Variants in ROBO2 observed in about 807,000 individuals in gnomAD.
ROBO2 encodes the protein roundabout homolog 2.
A neutral mutation model predicts 160.8 loss-of-function variants in ROBO2; 53 were observed. The ratio of observed to expected loss-of-function variants is 0.33; its 90% CI spans 0.26 to 0.41. ROBO2 has a LOEUF of 0.41. Among genes scored for constraint, ROBO2 ranks in the 10% least tolerant of loss-of-function variants. The pLI is 1.00. For synonymous variants in ROBO2, 664 were observed against 611.7 expected (o/e 1.09, Z -1.26); for missense variants, 1,577 against 1,722.4 (o/e 0.92, Z 1.49).
At chr3:76,407,022 T>C (rs1187335285) in intron 2 of ROBO2, among the ~76,000 whole-genome samples, 1 of 151,542 alleles carries the variant, frequency 6.6e-6, no homozygotes, top group Non-Finnish European at 1.5e-5. Flanking sequence ...TTCATTTATT[T>C]TGAACTACTT....
At chr3:76,144,098 T>A (rs192131838) in intron 2 of ROBO2, among the ~76,000 whole-genome samples, 2 of 152,102 alleles carry the variant, frequency 1.3e-5, no homozygotes, top group Non-Finnish European at 2.9e-5. Flanking sequence ...GAATGATGTT[T>A]AACCAAATAT....
chr3:77,120,669 T>A (rs1280032047), intron 2 of ROBO2, among the ~76,000 whole-genome samples: 1 of 152,178 alleles, frequency 6.6e-6, no homozygotes, highest in Non-Finnish European at 1.5e-5. Context: ...AAAATCAACT[T>A]TGCCACCTAT....
chr3:77,608,022 C>A, intron 21 of ROBO2, 68 bp downstream of exon 22: 1 of 1,524,330 alleles, frequency 6.6e-7, no homozygotes, highest in Non-Finnish European at 9.1e-7. Context: ...TCATTTTTGC[C>A]ATCATCTTAT....
At chr3:77,258,981 G>T (rs2058605964) in intron 2 of ROBO2, among the ~76,000 whole-genome samples, 1 of 152,190 alleles carries the variant, frequency 6.6e-6, no homozygotes, top group African/African-American at 2.4e-5. Context: ...CTGCTGAACA[G>T]TTGACTGATC....
chr3:76,525,810 G>A (rs538779965), intron 2 of ROBO2, among the ~76,000 whole-genome samples: 64 of 151,936 alleles, frequency 4.2e-4, no homozygotes, highest in African/African-American at 1.4e-3. Flanking sequence ...TGCCATAATG[G>A]TCACAGCTAA....
chr3:77,511,264 C>T (rs139181004), intron 5 of ROBO2, among the ~76,000 whole-genome samples: 27 of 152,044 alleles, frequency 1.8e-4, no homozygotes, highest in African/African-American at 6.3e-4. Context: ...GAGACGGGCA[C>T]TCAGAAGACA....
intron 2 of ROBO2, among the ~76,000 whole-genome samples, chr3:77,221,374 T>C (rs978061439): frequency 3.3e-5 from 5 of 152,244 alleles, no homozygotes; most frequent in African/African-American, 4.8e-5. Context: ...GAAATACAAC[T>C]TCAGCCAGTT....
intron 2 of ROBO2, among the ~76,000 whole-genome samples, chr3:76,186,757 C>T (rs113168137): frequency 2.3e-3 from 346 of 152,188 alleles, no homozygotes; most frequent in Non-Finnish European, 4.1e-3. Context: ...TTATTCACTC[C>T]CTTGTTCTCT....
At chr3:76,200,057 A>G (rs926213584) in intron 2 of ROBO2, among the ~76,000 whole-genome samples, 2 of 152,162 alleles carry the variant, frequency 1.3e-5, no homozygotes, top group African/African-American at 4.8e-5. Context: ...GAAGTTCTCT[A>G]GCAAGGGCCC....
At chr3:76,999,210 A>G (rs1385269164) in intron 2 of ROBO2, among the ~76,000 whole-genome samples, 4 of 151,938 alleles carry the variant, frequency 2.6e-5, no homozygotes, top group South Asian at 4.2e-4. Flanking sequence ...TAATAAGTAA[A>G]TAGATTGTGG....
At chr3:77,627,140 G>A (rs1031580938) in intron 23 of ROBO2, among the ~76,000 whole-genome samples, 1 of 152,110 alleles carries the variant, frequency 6.6e-6, no homozygotes, top group African/African-American at 2.4e-5. Flanking sequence ...TTTCAAAATT[G>A]AACAGATAAA....
At chr3:77,547,653 C>A (rs1281037454) in intron 7 of ROBO2, among the ~76,000 whole-genome samples, 1 of 152,010 alleles carries the variant, frequency 6.6e-6, no homozygotes, top group East Asian at 1.9e-4. Context: ...ACAGCTCAGT[C>A]TGGATGGACA....
rs767574092 is a variant in ROBO2, at chr3:76,072,334, G to A, written c.109+134732G>A. On this transcript the variant is annotated intron_variant, in intron 2 of 26. Coordinates refer to the ROBO2 transcript ENST00000487694. ...AAATAGAGATTCAAAACATTGTGTC[G>A]AAACTTTTTCATATTTTACCTGCTA... Among the ~76,000 whole-genome samples, 16 of 151,860 alleles carry A rather than the reference G, an allele frequency of 1.1e-4. No individual in the cohort carries two copies. In the East Asian group the frequency reaches 1.4e-3, roughly 13 times the overall value.
intron 2 of ROBO2, among the ~76,000 whole-genome samples, chr3:76,226,356 T>C (rs1312290131): frequency 6.6e-6 from 1 of 152,084 alleles, no homozygotes; most frequent in Non-Finnish European, 1.5e-5. Flanking sequence ...CTGAGATGTG[T>C]GTGTGTGCCT....
At chr3:77,351,686 G>T (rs1297963312) in intron 2 of ROBO2, among the ~76,000 whole-genome samples, 1 of 152,108 alleles carries the variant, frequency 6.6e-6, no homozygotes, top group Non-Finnish European at 1.5e-5. Flanking sequence ...TAGAATGGAG[G>T]ATCATTGTCA....
At chr3:76,864,557 G>T (rs1181823238) in intron 2 of ROBO2, among the ~76,000 whole-genome samples, 3 of 151,920 alleles carry the variant, frequency 2.0e-5, no homozygotes, top group African/African-American at 7.2e-5. Context: ...CTTACTCCCA[G>T]CATGTGCCTT....
chr3:77,201,754 T>A (rs1244694925), intron 2 of ROBO2, among the ~76,000 whole-genome samples: 1 of 152,174 alleles, frequency 6.6e-6, no homozygotes, highest in Non-Finnish European at 1.5e-5. Flanking sequence ...AATAGCTGGA[T>A]CTTGATTTTG....
chr3:77,205,518 G>A (rs1207728336), intron 2 of ROBO2, among the ~76,000 whole-genome samples: 1 of 151,968 alleles, frequency 6.6e-6, no homozygotes, highest in African/African-American at 2.4e-5. Flanking sequence ...AGGATGGGGG[G>A]ACATGGCAGG....
intron 2 of ROBO2, among the ~76,000 whole-genome samples, chr3:76,768,702 A>C (rs2061707779): frequency 6.6e-6 from 1 of 150,882 alleles, no homozygotes; most frequent in South Asian, 2.1e-4. Context: ...AATTATGTTA[A>C]ATTTTAGGCT....
Sources: gnomAD v4.1 joint callset for allele counts (sites outside exome capture counted in the v4.1 genomes callset) on GRCh38, gnomAD v4.1.1 for gene constraint, MANE v1.5 for transcripts, NCBI Gene and HGNC (gene_info 2026-07-23, HGNC 2026-07-21) for gene names.